Variants in PCDHGB1 observed in about 807,000 individuals in gnomAD.
PCDHGB1 encodes the protein protocadherin gamma-B1.
A neutral mutation model predicts 56.6 loss-of-function variants in PCDHGB1; 34 were observed. That is an observed-to-expected ratio of 0.60 (90% CI 0.46 to 0.80). The LOEUF (loss-of-function observed/expected upper bound fraction) is 0.80. Among genes scored for constraint, PCDHGB1 ranks in the 30% least tolerant of loss-of-function variants. The pLI is 0.00. For synonymous variants in PCDHGB1, 561 were observed against 505.9 expected, an observed-to-expected ratio of 1.11 and a Z score of -1.46; for missense variants, 1,278 against 1,204.6, an observed-to-expected ratio of 1.06 and a Z score of -0.90.
Position 141,419,305 on chromosome 5 carries a change from G to A in PCDHGB1, c.2409+66636G>A, listed in dbSNP as rs778360128. ...TCAGTGCCTCTGACCCAGACTTCGGGCTCAACGGCCGTGTCTCCTACTCTC... is the reference window on the plus strand; with the variant it reads ...TCAGTGCCTCTGACCCAGACTTCGGACTCAACGGCCGTGTCTCCTACTCTC... On this transcript the variant is annotated intron_variant, in intron 1 of 3. Transcript: ENST00000523390. The A allele has an allele frequency of 3.1e-6, 5 of 1,613,906 alleles. No individual in the cohort carries two copies. The East Asian group carries it at 1.1e-4, about 36-fold the overall frequency.
chr5:141,499,029 A>AAGGAAGGAAGG lies in PCDHGB1; in HGVS notation c.2468+4165_2468+4166insGGAAGGAAGGA, dbSNP rs1562187768. ...GGAAGGAAGGAAGGAAGGAAGGAAG[A>AAGGAAGGAAGG]AAAGAAAGAAAAAGGGAGAAAAAAT... On this transcript the variant is annotated intron_variant, in intron 2 of 3. Transcript: ENST00000523390. 4.1e-4 allele frequency among the ~76,000 whole-genome samples: 57 copies of AAGGAAGGAAGG among 140,074 alleles called. 2 individuals are homozygous for AAGGAAGGAAGG. Among genetic ancestry groups the AAGGAAGGAAGG allele is most frequent in the African/African-American group, 1.4e-3 (52 of 36,074 alleles). 91.9% of individuals were successfully genotyped at this position (140,074 alleles called of 152,430 possible).
At chr5:141,357,108 C>T (rs1760471015) in intron 1 of PCDHGB1, 15 of 1,613,824 alleles carry the variant, frequency 9.3e-6, no homozygotes, top group Non-Finnish European at 1.3e-5. Flanking sequence ...TGGACAGAGA[C>T]GCGCTCAAGC....
intron 1 of PCDHGB1, chr5:141,417,635 G>C (rs1195744332): frequency 1.4e-6 from 1 of 724,902 alleles, no homozygotes; most frequent in Non-Finnish European, 2.1e-6. Flanking sequence ...CTGACGCCGG[G>C]GATCCCTCAG....
chr5:141,376,032 G>T (rs751769680), intron 1 of PCDHGB1: 3 of 1,613,116 alleles, frequency 1.9e-6, no homozygotes, highest in East Asian at 4.5e-5. Context: ...CAGGACCACG[G>T]CCAGCCCCCT....
At position 141,486,112 on chromosome 5, in the gene PCDHGB1, G is replaced by A; in HGVS notation, c.2410-8695G>A. ...TGGGGCCCCTAGACTTTGAGAGTGA[G>A]AATTACTATGAATTTGATGTGCGGG... On this transcript the variant is annotated intron_variant, in intron 1 of 3. Transcript: ENST00000523390. This position sits in a 1 kb window ranked among gnomAD's most constrained non-coding sequence, Gnocchi z 5.0. 1 of 1,614,166 alleles carries A rather than the reference G, an allele frequency of 6.2e-7. No homozygotes were observed. Among genetic ancestry groups the A allele is most frequent in the Non-Finnish European group, 8.5e-7 (1 of 1,180,024 alleles).
chr5:141,384,735 C>T (rs1258816819), intron 1 of PCDHGB1: 9 of 1,614,026 alleles, frequency 5.6e-6, no homozygotes, highest in Non-Finnish European at 6.8e-6. Flanking sequence ...TTAAGGCCAG[C>T]GAGCCAGGAC....
intron 1 of PCDHGB1, chr5:141,423,252 C>T (rs2096724826): frequency 1.2e-6 from 2 of 1,613,802 alleles, no homozygotes; most frequent in South Asian, 2.2e-5. Context: ...TCCTGGCGGA[C>T]CTCGGCAGCC....
chr5:141,390,286 G>A (rs1043842292), intron 1 of PCDHGB1: 2 of 1,613,848 alleles, frequency 1.2e-6, no homozygotes, highest in Non-Finnish European at 1.7e-6. Flanking sequence ...CATCAGGTGA[G>A]TTTCCTTTAA....
intron 1 of PCDHGB1, chr5:141,422,178 G>A (rs1561799748): frequency 1.9e-6 from 3 of 1,563,306 alleles, no homozygotes; most frequent in Non-Finnish European, 1.7e-6. Flanking sequence ...GATTCTATGA[G>A]ATGGAAATTC....
At chr5:141,494,999 G>T in intron 2 of PCDHGB1, 134 bp downstream of exon 2, 1 of 1,531,046 alleles carries the variant, frequency 6.5e-7, no homozygotes, top group Non-Finnish European at 8.8e-7. Context: ...GGGAGGTCTT[G>T]GTGTGCGGGG....
At position 141,491,794 on chromosome 5, in the gene PCDHGB1, TC is replaced by T; in HGVS notation, c.2410-3011del. On this transcript the variant is annotated intron_variant, in intron 1 of 3. Transcript: ENST00000523390. This position sits in a 1 kb window ranked among gnomAD's most constrained non-coding sequence, Gnocchi z 6.9. ...GGGATTGAACTTGCATCCACTCCTC[TC>T]CGGCCGGCTTGGTCGCTGGCTGCGC... is the stretch of plus-strand genomic sequence containing the variant. The T allele has an allele frequency of 6.6e-7, 1 of 1,511,056 alleles. No individual in the cohort carries two copies. The highest frequency in any genetic ancestry group is 8.8e-7 in the Non-Finnish European group (1 of 1,130,146). The allele number at this position is 1,511,056 out of a possible 1,614,324, so 93.6% of individuals were successfully genotyped here.
At chr5:141,365,299 T>A (rs777540442) in intron 1 of PCDHGB1, 1 of 1,614,002 alleles carries the variant, frequency 6.2e-7, no homozygotes. Flanking sequence ...TAGCTCAGGA[T>A]GGAGGCGCTC....
intron 1 of PCDHGB1, chr5:141,418,575 C>T (rs2154547779): frequency 6.2e-7 from 1 of 1,614,018 alleles, no homozygotes; most frequent in East Asian, 2.2e-5. Context: ...AATGACAACC[C>T]CCCAGTGTTC....
intron 1 of PCDHGB1, chr5:141,396,140 G>A (rs1199993001): frequency 2.0e-5 from 3 of 152,178 alleles, no homozygotes; most frequent in Non-Finnish European, 4.4e-5. Flanking sequence ...TTCTAAATAA[G>A]CTGATCAATT....
intron 1 of PCDHGB1, chr5:141,414,525 T>C (rs1413988459): frequency 1.2e-6 from 2 of 1,613,972 alleles, no homozygotes; most frequent in South Asian, 1.1e-5. Flanking sequence ...CAGATATCAA[T>C]GACAACCCAC....
intron 1 of PCDHGB1, chr5:141,403,227 G>T: frequency 1.9e-6 from 3 of 1,608,966 alleles, no homozygotes; most frequent in Non-Finnish European, 2.6e-6. Context: ...AGGATAGACC[G>T]GGAGGAGCTC....
At chr5:141,470,795 C>T (rs947636574) in intron 1 of PCDHGB1, among the ~76,000 whole-genome samples, 2 of 152,182 alleles carry the variant, frequency 1.3e-5, no homozygotes, top group Non-Finnish European at 2.9e-5. Context: ...TCAAGCAATC[C>T]TCCCACTTCA....
chr5:141,461,269 TTC>T (rs1316205976), intron 1 of PCDHGB1, among the ~76,000 whole-genome samples: 4 of 152,186 alleles, frequency 2.6e-5, no homozygotes, highest in Admixed American at 2.0e-4. Flanking sequence ...TGTGTAAGTG[TTC>T]TCTTTTCCCC....
At chr5:141,461,278 C>T (rs2099012353) in intron 1 of PCDHGB1, among the ~76,000 whole-genome samples, 1 of 152,086 alleles carries the variant, frequency 6.6e-6, no homozygotes, top group South Asian at 2.1e-4. Context: ...GTTCTCTTTT[C>T]CCCACATCCA....
Sources: gnomAD v4.1 joint callset for allele counts (sites outside exome capture counted in the v4.1 genomes callset) on GRCh38, gnomAD v4.1.1 for gene constraint, Gnocchi (gnomAD v3.1) non-coding constraint, MANE v1.5 for transcripts, NCBI Gene and HGNC (gene_info 2026-07-23, HGNC 2026-07-21) for gene names.